Variants in NEB observed in about 807,000 individuals in gnomAD.
NEB encodes the protein nemaline myopathy type 2.
A neutral mutation model predicts 952.2 loss-of-function variants in NEB; 512 were observed. That is an observed-to-expected ratio of 0.54 (90% CI 0.50 to 0.58). The LOEUF is 0.58. Ranked by LOEUF, NEB falls within the 20% of genes least tolerant of loss-of-function variation. The pLI, the probability that NEB is intolerant of heterozygous loss-of-function variation, is 0.00. For synonymous variants in NEB, 2,900 were observed against 3,149.8 expected, an observed-to-expected ratio of 0.92 and a Z score of 2.66; for missense variants, 8,428 against 9,231.1, an observed-to-expected ratio of 0.91 and a Z score of 3.56.
At chr2:151,653,096 AT>A (rs1485409669) in intron 52 of NEB, among the ~76,000 whole-genome samples, 3 of 152,156 alleles carry the variant, frequency 2.0e-5, no homozygotes, top group Non-Finnish European at 4.4e-5. Context: ...GTCAGATTCC[AT>A]TTTTAGGCAT....
intron 129 of NEB, among the ~76,000 whole-genome samples, chr2:151,551,217 C>T (rs2095314201): frequency 6.6e-6 from 1 of 152,116 alleles, no homozygotes. Context: ...GATCTGCCCG[C>T]CTCAGCCTCC....
Position 151,548,335 on chromosome 2 carries a change from G to C in NEB, c.20130C>G (p.Val6710=). 6.2e-7 allele frequency: 1 copy of C among 1,613,432 alleles called. No individual in the cohort carries two copies. The highest frequency in any genetic ancestry group is 8.5e-7 in the Non-Finnish European group (1 of 1,179,444). Residue 6710 remains valine, a synonymous_variant, in exon 131 of 182, where the codon GTC becomes GTG. Coordinates refer to ENST00000397345, the MANE Select transcript of NEB (RefSeq NM_001164508.2). ...LGPKDVPFVH[V]RRVNNVTSER... ...CGCTGGTAACATTGTTGACTCTCCG[G>C]ACGTGGACAAATGGAACATCTTTGG...
At chr2:151,572,194 C>A (rs1455223621) in intron 107 of NEB, among the ~76,000 whole-genome samples, 1 of 152,008 alleles carries the variant, frequency 6.6e-6, no homozygotes, top group Non-Finnish European at 1.5e-5. Flanking sequence ...TGGTGGCACA[C>A]ACCTGTAATC....
Position 151,662,225 on chromosome 2 carries a change from G to A in NEB, c.5880C>T (p.Tyr1960=). Reference sequence around the variant, plus strand: ...ACTTCAAAGTGTCTGGGTGCTGGCGGTACTTCTTTTCACTAATAATCTCCA... The same window carrying A: ...ACTTCAAAGTGTCTGGGTGCTGGCGATACTTCTTTTCACTAATAATCTCCA... The part of the protein sequence containing the change: ...KAMEIISEKK[Y]RQHPDTLKYS... The change falls in exon 46 of 182, where the codon TAC becomes TAT. Residue 1960 remains tyrosine (Y), a synonymous_variant. Coordinates refer to ENST00000397345, the MANE Select transcript of NEB (RefSeq NM_001164508.2). The A allele has an allele frequency of 1.2e-6, 2 of 1,613,626 alleles. No individual in the cohort carries two copies. Among genetic ancestry groups the A allele is most frequent in the Non-Finnish European group, 1.7e-6 (2 of 1,179,688 alleles).
In NEB at chr2:151,672,608, T is replaced by C. The variant is rs371454282; in HGVS notation, c.4060A>G (p.Lys1354Glu). ...GCCACATTCATATAGTGGACCAGCT[T>C]GGGATCATCCTGGAGGCTTCTGAAA... is the stretch of plus-strand genomic sequence containing the variant. ...VGFRSLQDDP[K>E]LVHYMNVAKL... The change falls in exon 37 of 182, where the codon AAG becomes GAG. Residue 1354 changes from lysine to glutamate, a missense_variant. Coordinates refer to ENST00000397345, the MANE Select transcript of NEB (RefSeq NM_001164508.2). 250 of 1,613,912 alleles carry C rather than the reference T, an allele frequency of 1.5e-4. 1 individual carries two copies. In the South Asian group the frequency reaches 2.6e-3, roughly 17 times the overall value.
chr2:151,498,371 T>A lies in NEB; in HGVS notation c.24115-19A>T. ...ATAGCACCTGTATGATGAGAAAGCA[T>A]CCAGAACAAAAAAAGCAATCAATCA... is the stretch of plus-strand genomic sequence containing the variant. On this transcript the variant is annotated intron_variant, in intron 169 of 181. Transcript: ENST00000397345. 1.3e-6 allele frequency: 2 copies of A among 1,510,378 alleles called. No individual in the cohort carries two copies. The highest frequency in any genetic ancestry group is 2.1e-5 in the Admixed American group (1 of 48,716). 93.6% of individuals were successfully genotyped at this position (1,510,378 alleles called of 1,614,324 possible). A position where few individuals can be genotyped will look rare whatever the true frequency, so the allele number is the denominator to read the frequency against.
chr2:151,664,592 C>T lies in NEB; in HGVS notation c.5360G>A (p.Gly1787Asp). The T allele has an allele frequency of 6.2e-7, 1 of 1,605,882 alleles. No homozygotes were observed. The highest frequency in any genetic ancestry group is 8.5e-7 in the Non-Finnish European group (1 of 1,175,908). Residue 1787 changes from glycine to aspartate, a missense_variant, in exon 44 of 182, where the codon GGC becomes GAC. Transcript: ENST00000397345. ...ITMSDKLYKA[G>D]WEEEKKKGYD... ...TCCTTTCTTCTTTTCCTCTTCCCAG[C>T]CAGCTTTGTACAGTTTCTAAACAAT...
chr2:151,492,112 T>C lies in NEB; in HGVS notation c.25043A>G (p.Gln8348Arg), dbSNP rs1211886874. ...GGCTCAGTTACCTGTAATAGTCTCC[T>C]GATCTTGGTCATTCCGTTTTTGTTC... Reference protein sequence around the residue: ...EMEQKRNDQDQETITGLRVWR... With the variant: ...EMEQKRNDQDRETITGLRVWR... Residue 8348 changes from glutamine (Q) to arginine (R), a missense_variant, in exon 178 of 182, where the codon CAG (glutamine) becomes CGG (arginine). Physicochemically the swap from Gln to Arg is conservative, Grantham distance 43 (BLOSUM62 1). This residue lies in a region of NEB where 3,374 missense variants were observed against 3,651.5 expected (regional missense o/e 0.92). Transcript: ENST00000397345. 6.2e-7 allele frequency: 1 copy of C among 1,613,818 alleles called. No individual in the cohort carries two copies. The highest frequency in any genetic ancestry group is 8.5e-7 in the Non-Finnish European group (1 of 1,179,826).
intron 34 of NEB, 62 bp from the exon 35 acceptor site, chr2:151,675,453 G>T: frequency 3.4e-6 from 4 of 1,164,054 alleles, no homozygotes. Flanking sequence ...TTGCTTTAAA[G>T]AGTTATTTTT....
chr2:151,673,342 C>G (rs1489929603), intron 36 of NEB, among the ~76,000 whole-genome samples: 3 of 151,862 alleles, frequency 2.0e-5, no homozygotes, highest in African/African-American at 7.3e-5. Flanking sequence ...ACTTTCAGCT[C>G]CTGCTATTTA....
At position 151,671,078 on chromosome 2, in the gene NEB, A is replaced by G; in HGVS notation, c.4451T>C (p.Val1484Ala). 1 of 1,614,010 alleles carries G rather than the reference A, an allele frequency of 6.2e-7. No homozygotes were observed. Among genetic ancestry groups the G allele is most frequent in the South Asian group, 1.1e-5 (1 of 91,088 alleles). Residue 1484 changes from valine (V) to alanine (A), a missense_variant, in exon 38 of 182, where the codon GTG becomes GCG. By Grantham distance (64) the Val-to-Ala change is moderately conservative. Around this residue, in one of 11 missense-constraint regions of NEB, gnomAD observed 2,851 missense variants for 2,791.5 expected, o/e 1.02. Transcript: ENST00000397345. ...CAACACCATGCCCATGGAATCAGGC[A>G]CACTTGTGAACTTGACGGTATCTGG... ...QHPDTVKFTS[V>A]PDSMGMVLAQ... is the part of the protein sequence containing the mutation.
In NEB at chr2:151,526,092, A is replaced by G. The variant is rs770277191; in HGVS notation, c.22051-24T>C. 2.4e-5 allele frequency: 39 copies of G among 1,611,960 alleles called. 1 individual carries two copies. The Admixed American group carries it at 5.0e-4, about 21-fold the overall frequency. On this transcript the variant is annotated intron_variant, in intron 149 of 181. Transcript: ENST00000397345. ...TTCTGGGGGAATCCATAGAGAGCTC[A>G]TTAAGGCATCTGCCTGGGGCGTTCT...
At chr2:151,729,878 C>G (rs1418523393) in intron 3 of NEB, among the ~76,000 whole-genome samples, 2 of 152,156 alleles carry the variant, frequency 1.3e-5, no homozygotes, top group Non-Finnish European at 2.9e-5. Flanking sequence ...CAAAGAGATG[C>G]AGAGGGCTGA....
chr2:151,686,829 G>C (rs2099505249), intron 27 of NEB, among the ~76,000 whole-genome samples: 1 of 152,088 alleles, frequency 6.6e-6, no homozygotes, highest in South Asian at 2.1e-4. Context: ...ACTGCAAAAT[G>C]TTACATGGCC....
intron 142 of NEB, among the ~76,000 whole-genome samples, 182 bp from the exon 143 acceptor site, chr2:151,533,728 C>T (rs902271569): frequency 2.6e-5 from 4 of 152,160 alleles, no homozygotes; most frequent in South Asian, 2.1e-4. Context: ...GCAATGCTTG[C>T]GGTTGGCCAT....
Position 151,656,368 on chromosome 2 carries a change from C to A in NEB, c.6280G>T (p.Ala2094Ser). Residue 2094 changes from alanine to serine, a missense_variant, in exon 49 of 182, where the codon GCT (alanine) becomes TCT (serine). This residue lies in a region of NEB where 2,851 missense variants were observed against 2,791.5 expected (regional missense o/e 1.02). Transcript: ENST00000397345. ...DPKLVHSMQV[A>S]KMQSDREYKK... The stretch of plus-strand genomic sequence containing the variant: ...TACTCCCGATCAGATTGCATCTTAG[C>A]CACTTGCATGGAATGGACTAATTTG... The A allele has an allele frequency of 6.2e-7, 1 of 1,613,560 alleles. No homozygotes were observed. Among genetic ancestry groups the A allele is most frequent in the Non-Finnish European group, 8.5e-7 (1 of 1,179,668 alleles).
At chr2:151,706,781 T>C in intron 13 of NEB, 100 bp downstream of exon 13, 3 of 826,752 alleles carry the variant, frequency 3.6e-6, no homozygotes, top group East Asian at 5.3e-5. Context: ...ATAACCTTAA[T>C]GTATTTGCAA....
At chr2:151,706,848 G>C (rs1333342585) in intron 13 of NEB, 33 bp downstream of exon 13, 2 of 1,470,690 alleles carry the variant, frequency 1.4e-6, no homozygotes, top group Non-Finnish European at 9.3e-7. Context: ...TTGCAGCTAA[G>C]GTTTAAAAAC....
chr2:151,542,746 C>T (rs923389385), intron 135 of NEB, among the ~76,000 whole-genome samples: 11 of 152,212 alleles, frequency 7.2e-5, no homozygotes, highest in Admixed American at 7.2e-4. Context: ...CCACGTGAGT[C>T]ACCCATCTTT....
Sources: gnomAD v4.1 joint callset for allele counts (sites outside exome capture counted in the v4.1 genomes callset) on GRCh38, gnomAD v4.1.1 for gene constraint, gnomAD v4.1.1 regional missense constraint, MANE v1.5 for transcripts, NCBI Gene and HGNC (gene_info 2026-07-23, HGNC 2026-07-21) for gene names.